Variants in CTNNA3 observed in about 807,000 individuals in gnomAD.
The protein encoded by CTNNA3 is catenin alpha 3.
Under a neutral mutation model 95.7 loss-of-function variants are expected in CTNNA3, and 76 were observed. The ratio of observed to expected loss-of-function variants is 0.79; its 90% CI spans 0.66 to 0.96. CTNNA3 has a LOEUF of 0.96. Ranked by LOEUF, CTNNA3 falls within the 40% of genes least tolerant of loss-of-function variation. The probability of loss-of-function intolerance (pLI) is 0.00; values close to 1 mark genes in which losing one functional copy is unlikely to be tolerated. For missense variants in CTNNA3, 1,191 were observed against 1,089.8 expected, an observed-to-expected ratio of 1.09 and a Z score of -1.31; for synonymous variants, 431 against 374.4, an observed-to-expected ratio of 1.15 and a Z score of -1.74.
chr10:67,257,430 C>T (rs79717643), intron 5 of CTNNA3, among the ~76,000 whole-genome samples: 4,422 of 152,304 alleles, frequency 0.029, 211 homozygotes, highest in African/African-American at 0.1. Context: ...TATACCTGAG[C>T]AGTGTTCTTG....
chr10:66,776,142 A>T (rs1253238202), intron 7 of CTNNA3, among the ~76,000 whole-genome samples: 1 of 152,112 alleles, frequency 6.6e-6, no homozygotes, highest in Non-Finnish European at 1.5e-5. Flanking sequence ...TATATCCTTA[A>T]CCTAAATCTT....
intron 11 of CTNNA3, among the ~76,000 whole-genome samples, chr10:66,444,258 T>C (rs1416063193): frequency 6.6e-6 from 1 of 152,254 alleles, no homozygotes; most frequent in East Asian, 1.9e-4. Flanking sequence ...CTGCAGGATA[T>C]TATCCAGGAG....
At chr10:66,164,449 G>A (rs2085017792) in intron 13 of CTNNA3, among the ~76,000 whole-genome samples, 1 of 151,718 alleles carries the variant, frequency 6.6e-6, no homozygotes, top group Non-Finnish European at 1.5e-5. Context: ...CACAATCATT[G>A]ATTCAGGAAT....
intron 1 of CTNNA3, among the ~76,000 whole-genome samples, chr10:67,746,691 A>C (rs1328400690): frequency 6.6e-6 from 1 of 152,174 alleles, no homozygotes; most frequent in African/African-American, 2.4e-5. Flanking sequence ...TGCAACCTGC[A>C]GATCAGGAGA....
chr10:67,011,102 G>C (rs1406655128), intron 7 of CTNNA3, among the ~76,000 whole-genome samples: 2 of 152,156 alleles, frequency 1.3e-5, no homozygotes, highest in Non-Finnish European at 2.9e-5. Context: ...GGCCAAGGCA[G>C]ACGGATCACG....
intron 5 of CTNNA3, among the ~76,000 whole-genome samples, chr10:67,507,803 C>T (rs1178153442): frequency 1.3e-5 from 2 of 152,084 alleles, no homozygotes; most frequent in African/African-American, 4.8e-5. Flanking sequence ...TCCTGATGCA[C>T]AAACATGCAA....
At chr10:66,242,575 T>G (rs1441225907) in intron 13 of CTNNA3, among the ~76,000 whole-genome samples, 2 of 152,242 alleles carry the variant, frequency 1.3e-5, no homozygotes, top group East Asian at 3.9e-4. Flanking sequence ...ATTAAAACCA[T>G]AAGGAGATAC....
chr10:66,673,064 T>C (rs1564609942), intron 9 of CTNNA3, among the ~76,000 whole-genome samples: 1 of 152,170 alleles, frequency 6.6e-6, no homozygotes, highest in Non-Finnish European at 1.5e-5. Flanking sequence ...CATCAGCATG[T>C]ATTATAATTG....
At chr10:67,301,642 T>C (rs1168801180) in intron 5 of CTNNA3, among the ~76,000 whole-genome samples, 1 of 152,084 alleles carries the variant, frequency 6.6e-6, no homozygotes, top group Non-Finnish European at 1.5e-5. Flanking sequence ...GTGGTATATA[T>C]ATATATAAGG....
At chr10:66,013,015 C>A (rs533800298) in intron 15 of CTNNA3, among the ~76,000 whole-genome samples, 185 of 152,280 alleles carry the variant, frequency 1.2e-3, no homozygotes, top group African/African-American at 4.4e-3. Flanking sequence ...ATTCTCCTTC[C>A]TCAGCCTCCC....
chr10:66,957,214 G>T (rs996754468), intron 7 of CTNNA3, among the ~76,000 whole-genome samples: 8 of 151,632 alleles, frequency 5.3e-5, no homozygotes, highest in Non-Finnish European at 7.4e-5. Flanking sequence ...CCCACAGTCT[G>T]GCTTCACCAA....
At chr10:67,387,637 C>A (rs1844247930) in intron 5 of CTNNA3, among the ~76,000 whole-genome samples, 1 of 152,164 alleles carries the variant, frequency 6.6e-6, no homozygotes, top group Non-Finnish European at 1.5e-5. Context: ...ACAGCAGTAA[C>A]CTCTGCAGAC....
chr10:66,727,690 T>C (rs1848822901), intron 9 of CTNNA3, among the ~76,000 whole-genome samples: 1 of 152,132 alleles, frequency 6.6e-6, no homozygotes, highest in Non-Finnish European at 1.5e-5. Flanking sequence ...GAGTGGAATG[T>C]TGAATTCAGC....
At chr10:67,525,513 A>AT (rs1210602059) in intron 4 of CTNNA3, among the ~76,000 whole-genome samples, 4 of 152,138 alleles carry the variant, frequency 2.6e-5, no homozygotes, top group African/African-American at 7.2e-5. Context: ...TCCCAGATAC[A>AT]TTTTTTCTCC....
intron 13 of CTNNA3, among the ~76,000 whole-genome samples, chr10:66,131,331 A>G (rs1489304517): frequency 1.3e-5 from 2 of 152,188 alleles, no homozygotes; most frequent in Admixed American, 1.3e-4. Context: ...AAATACCAGC[A>G]AAAATCCAGC....
chr10:65,978,020 A>C (rs2078240932), intron 16 of CTNNA3, among the ~76,000 whole-genome samples: 1 of 152,032 alleles, frequency 6.6e-6, no homozygotes, highest in Non-Finnish European at 1.5e-5. Context: ...CATCTTGCTC[A>C]GGATCACAGA....
intron 9 of CTNNA3, among the ~76,000 whole-genome samples, chr10:66,760,573 G>T (rs766605977): frequency 3.3e-5 from 5 of 151,824 alleles, no homozygotes; most frequent in Non-Finnish European, 7.4e-5. Flanking sequence ...TCTTTTCTCC[G>T]AATTCTAAGA....
intron 9 of CTNNA3, among the ~76,000 whole-genome samples, chr10:66,691,250 C>T (rs1365793469): frequency 1.3e-5 from 2 of 152,174 alleles, no homozygotes; most frequent in Non-Finnish European, 2.9e-5. Flanking sequence ...CGGGTCACTC[C>T]CACCCTAATA....
chr10:67,504,449 A>C (rs1409180535), intron 5 of CTNNA3, among the ~76,000 whole-genome samples: 1 of 150,164 alleles, frequency 6.7e-6, no homozygotes, highest in Non-Finnish European at 1.5e-5. Context: ...AAAAAAAAAA[A>C]AAAAAAAAAA....
Sources: gnomAD v4.1 joint callset for allele counts (sites outside exome capture counted in the v4.1 genomes callset) on GRCh38, gnomAD v4.1.1 for gene constraint, MANE v1.5 for transcripts, NCBI Gene and HGNC (gene_info 2026-07-23, HGNC 2026-07-21) for gene names.